The following CHIC2 variants were observed in gnomAD, a reference collection of about 807,000 sequenced individuals.
CHIC2 encodes cysteine-rich hydrophobic domain-containing protein 2.
A neutral mutation model predicts 25.9 loss-of-function variants in CHIC2; 14 were observed. The observed-to-expected ratio is 0.54, with a 90% CI of 0.36 to 0.85. The LOEUF (loss-of-function observed/expected upper bound fraction) is 0.85. Ranked by LOEUF, CHIC2 falls within the 40% of genes least tolerant of loss-of-function variation. The probability of loss-of-function intolerance (pLI) is 0.01; values close to 1 mark genes in which losing one functional copy is unlikely to be tolerated. For synonymous variants in CHIC2, 70 were observed against 72.0 expected, an observed-to-expected ratio of 0.97 and a Z score of 0.14; for missense variants, 146 against 202.0, an observed-to-expected ratio of 0.72 and a Z score of 1.68.
In CHIC2 at chr4:54,014,096, T is replaced by C. The variant is rs546775782; in HGVS notation, c.354A>G (p.Leu118=). 9 of 1,613,382 alleles carry C rather than the reference T, an allele frequency of 5.6e-6. No individual in the cohort carries two copies. In the South Asian group the frequency reaches 9.9e-5, roughly 18 times the overall value. ...ATAACCTATTGTTTTCCCATTCTAA[T>C]AACTTCTCAATCGATCTTCGTGTCT... ...SKRTRRSIEK[L]LEWENNRLYH... The change falls in exon 4 of 6, where the codon TTA becomes TTG. Residue 118 remains leucine (L), a synonymous_variant. Transcript: ENST00000263921.
intron 1 of CHIC2, chr4:54,059,584 A>AT (rs1175508847): frequency 6.6e-6 from 1 of 151,118 alleles, no homozygotes; most frequent in Non-Finnish European, 1.5e-5. Flanking sequence ...AAAAAAAGTT[A>AT]TAAAAAAAAA....
At chr4:54,010,249 T>C in intron 5 of CHIC2, 104 bp from the exon 6 acceptor site, 3 of 743,252 alleles carry the variant, frequency 4.0e-6, no homozygotes, top group Non-Finnish European at 6.8e-6. Flanking sequence ...ATTCACATTT[T>C]AAAACGCAAC....
upstream of CHIC2, among the ~76,000 whole-genome samples, chr4:54,068,416 A>G (rs141153513): frequency 2.0e-5 from 3 of 152,310 alleles, no homozygotes; most frequent in East Asian, 1.9e-4. Flanking sequence ...ACAACCATAT[A>G]CAAGGACGAA....
chr4:54,012,168 C>T (rs1715615197), intron 5 of CHIC2, among the ~76,000 whole-genome samples: 1 of 151,620 alleles, frequency 6.6e-6, no homozygotes, highest in Non-Finnish European at 1.5e-5. Flanking sequence ...CCCAAACTGT[C>T]TTTGTACTCC....
chr4:54,075,552 T>C, the CHIC2 span, among the ~76,000 whole-genome samples: 2 of 152,136 alleles, frequency 1.3e-5, no homozygotes, highest in African/African-American at 4.8e-5. Flanking sequence ...AAAATATTTA[T>C]TTATTTTTAT....
intron 3 of CHIC2, among the ~76,000 whole-genome samples, chr4:54,015,085 A>G (rs564713202): frequency 6.6e-6 from 1 of 152,306 alleles, no homozygotes; most frequent in African/African-American, 2.4e-5. Flanking sequence ...TTAATGTTAC[A>G]TAATAAAATT....
At chr4:54,088,887 G>A in the CHIC2 span, among the ~76,000 whole-genome samples, 2 of 152,314 alleles carry the variant, frequency 1.3e-5, no homozygotes, top group Non-Finnish European at 2.9e-5. Context: ...ATTAGAGAAA[G>A]AGCAAGAGAG....
the CHIC2 span, among the ~76,000 whole-genome samples, chr4:54,072,007 A>AAT: frequency 6.6e-6 from 1 of 150,936 alleles, no homozygotes; most frequent in Non-Finnish European, 1.5e-5. Context: ...TAAAGTATCT[A>AAT]ATTTAGGCTG....
the CHIC2 span, among the ~76,000 whole-genome samples, chr4:54,078,468 C>A: frequency 6.6e-6 from 1 of 152,094 alleles, no homozygotes; most frequent in Non-Finnish European, 1.5e-5. Flanking sequence ...ATTGAGCTGG[C>A]CTTTCATTTT....
intron 3 of CHIC2, among the ~76,000 whole-genome samples, chr4:54,038,048 C>G (rs915456055): frequency 7.2e-5 from 11 of 152,082 alleles, no homozygotes; most frequent in African/African-American, 2.6e-4. Flanking sequence ...GAAGTGAAAA[C>G]AGAAAAACAA....
intron 1 of CHIC2, chr4:54,060,306 A>G (rs1717292709): frequency 6.6e-6 from 1 of 152,238 alleles, no homozygotes; most frequent in Non-Finnish European, 1.5e-5. Flanking sequence ...GGTTTCCGAC[A>G]GCCATTGATA....
chr4:54,053,382 C>G (rs909949208), intron 1 of CHIC2, among the ~76,000 whole-genome samples: 5 of 152,018 alleles, frequency 3.3e-5, no homozygotes, highest in Admixed American at 6.6e-5. Context: ...CATGGTGAAA[C>G]CCCATCACTA....
At chr4:54,014,773 G>GC (rs1294020143) in intron 3 of CHIC2, among the ~76,000 whole-genome samples, 2 of 151,998 alleles carry the variant, frequency 1.3e-5, no homozygotes, top group African/African-American at 4.8e-5. Context: ...GTTGATTTTT[G>GC]CAAGATATGC....
At chr4:54,080,585 G>A in the CHIC2 span, among the ~76,000 whole-genome samples, 3 of 151,830 alleles carry the variant, frequency 2.0e-5, no homozygotes, top group African/African-American at 7.3e-5. Flanking sequence ...GAGCAACATG[G>A]TGAAACCCCA....
intron 3 of CHIC2, among the ~76,000 whole-genome samples, chr4:54,017,573 T>G (rs1036751800): frequency 6.6e-6 from 1 of 152,206 alleles, no homozygotes; most frequent in African/African-American, 2.4e-5. Flanking sequence ...GGGGACAGGT[T>G]AGCGGTTCTT....
At chr4:54,054,024 G>A (rs552811131) in intron 1 of CHIC2, among the ~76,000 whole-genome samples, 3 of 152,286 alleles carry the variant, frequency 2.0e-5, no homozygotes, top group South Asian at 2.1e-4. Context: ...CACCTGACAA[G>A]TGATCCGCCC....
In CHIC2 at chr4:54,044,262, G is replaced by C. The variant is rs1402801472; in HGVS notation, c.330+4693C>G. ...ATCAACAAGACAGAAAGTTAACAAG[G>C]ATATCCAGGAATTGAACTCAGCTCT... On this transcript the variant is annotated intron_variant, in intron 3 of 5. Coordinates refer to ENST00000263921, the MANE Select transcript of CHIC2 (RefSeq NM_012110.4). Among the ~76,000 whole-genome samples, 3 of 152,228 alleles carry C rather than the reference G, an allele frequency of 2.0e-5. No homozygotes were observed. The East Asian group carries it at 5.8e-4, about 29-fold the overall frequency.
intron 3 of CHIC2, among the ~76,000 whole-genome samples, chr4:54,038,318 T>C (rs1049069410): frequency 2.0e-5 from 3 of 152,206 alleles, no homozygotes; most frequent in African/African-American, 4.8e-5. Flanking sequence ...CTGTATTTTA[T>C]GTACTAGCAG....
At chr4:54,061,422 T>C (rs1192215965) in intron 1 of CHIC2, among the ~76,000 whole-genome samples, 1 of 152,164 alleles carries the variant, frequency 6.6e-6, no homozygotes, top group East Asian at 1.9e-4. Context: ...TGGATTGATC[T>C]ATATCCTTCT....
Sources: gnomAD v4.1 joint callset for allele counts (sites outside exome capture counted in the v4.1 genomes callset) on GRCh38, gnomAD v4.1.1 for gene constraint, MANE v1.5 for transcripts, NCBI Gene and HGNC (gene_info 2026-07-23, HGNC 2026-07-21) for gene names.